The following YTHDF3 variants were observed in gnomAD, a reference collection of about 807,000 sequenced individuals.
YTHDF3 encodes YTH domain-containing family protein 3.
YTHDF3 carries 9 observed loss-of-function variants against 52.5 expected under a neutral mutation model. The observed-to-expected ratio is 0.17, with a 90% CI of 0.10 to 0.30. The LOEUF is 0.30. Ranked by LOEUF, YTHDF3 falls within the 10% of genes least tolerant of loss-of-function variation. The pLI, the probability that YTHDF3 is intolerant of heterozygous loss-of-function variation, is 1.00. For synonymous variants in YTHDF3, 274 were observed against 243.3 expected (o/e 1.13, Z -1.18); for missense variants, 534 against 715.0 (o/e 0.75, Z 2.89).
chr8:63,169,068 C>T (rs1402618941), intron 1 of YTHDF3, 167 bp downstream of exon 1: 1 of 1,396,234 alleles, frequency 7.2e-7, no homozygotes, highest in Non-Finnish European at 9.2e-7. Context: ...CGCCCTGGCC[C>T]CGTAGCTTGC....
At position 63,168,903 on chromosome 8, in the gene YTHDF3, T is replaced by TGAGG; in HGVS notation, c.24+6_24+9dup. 1 of 1,552,146 alleles carries TGAGG rather than the reference T, an allele frequency of 6.4e-7. No homozygotes were observed. Among genetic ancestry groups the TGAGG allele is most frequent in the Non-Finnish European group, 8.7e-7 (1 of 1,147,722 alleles). ...ATGTCAGCCACTAGCGTGGATCAGGTGAGGGAGCAGAGGCCCCAGGCTTGG... is the reference window on the plus strand; with the variant it reads ...ATGTCAGCCACTAGCGTGGATCAGGTGAGGGAGGGAGCAGAGGCCCCAGGCTTGG... On this transcript the variant is annotated splice_region_variant and intron_variant, in intron 1 of 4. Coordinates refer to ENST00000539294, the MANE Select transcript of YTHDF3 (RefSeq NM_152758.6).
rs1211912168 is a variant in YTHDF3, at chr8:63,186,352, A to G, written c.341A>G (p.Asn114Ser). The part of the protein sequence containing the change: ...GVFSQPGALG[N>S]TPPFLGQHGF... ...TTTAGTCAACCTGGGGCATTAGGAA[A>G]TACCCCTCCATTTCTTGGTCAACAT... The change falls in exon 4 of 5, where the codon AAT (asparagine) becomes AGT (serine). Residue 114 changes from asparagine (N) to serine (S), a missense_variant. Around this residue, in one of 3 missense-constraint regions of YTHDF3, gnomAD observed 196 missense variants for 299.5 expected, o/e 0.65. Coordinates refer to ENST00000539294, the MANE Select transcript of YTHDF3 (RefSeq NM_152758.6). 3.7e-6 allele frequency: 6 copies of G among 1,613,922 alleles called. No homozygotes were observed. The highest frequency in any genetic ancestry group is 1.1e-5 in the South Asian group (1 of 91,090).
At chr8:63,203,839 C>G (rs1233212220) in intron 4 of YTHDF3, among the ~76,000 whole-genome samples, 2 of 152,198 alleles carry the variant, frequency 1.3e-5, no homozygotes, top group African/African-American at 4.8e-5. Flanking sequence ...CTGATACTTT[C>G]TCATGATTAG....
At chr8:63,172,242 A>G (rs1196973893) in intron 2 of YTHDF3, among the ~76,000 whole-genome samples, 1 of 152,064 alleles carries the variant, frequency 6.6e-6, no homozygotes, top group Non-Finnish European at 1.5e-5. Flanking sequence ...TATTGGAATA[A>G]AGGTGTGCAG....
intron 3 of YTHDF3, among the ~76,000 whole-genome samples, chr8:63,180,812 A>G (rs1033943705): frequency 6.6e-6 from 1 of 152,232 alleles, no homozygotes; most frequent in African/African-American, 2.4e-5. Context: ...TCTACACCAA[A>G]AAAATACGAA....
rs1223663346 is a variant in YTHDF3, at chr8:63,211,576, G to T, written c.*1870G>T. On this transcript the variant is annotated 3_prime_UTR_variant, in exon 5 of 5. Transcript: ENST00000539294. The stretch of plus-strand genomic sequence containing the variant: ...TATAAAAGGGTGACCTTGTAGGAAG[G>T]ATCTGAGTCCTCCCCCTGAGGTTCT... 6.6e-6 allele frequency: 1 copy of T among 152,488 alleles called. No individual in the cohort carries two copies. Among genetic ancestry groups the T allele is most frequent in the Admixed American group, 6.6e-5 (1 of 15,262 alleles). 9.4% of individuals were successfully genotyped at this position (152,488 alleles called of 1,614,324 possible).
At chr8:63,197,304 A>G (rs1283580347) in intron 4 of YTHDF3, among the ~76,000 whole-genome samples, 1 of 152,026 alleles carries the variant, frequency 6.6e-6, no homozygotes, top group Admixed American at 6.6e-5. Context: ...AATGTGTAGA[A>G]TTTTTTCTTC....
At chr8:63,193,689 G>A (rs934984400) in intron 4 of YTHDF3, among the ~76,000 whole-genome samples, 3 of 152,108 alleles carry the variant, frequency 2.0e-5, no homozygotes, top group Non-Finnish European at 4.4e-5. Flanking sequence ...GATGTGAATA[G>A]GCATTTAATG....
At chr8:63,172,697 T>G (rs1400874478) in intron 2 of YTHDF3, 5 of 1,094,264 alleles carry the variant, frequency 4.6e-6, no homozygotes, top group African/African-American at 1.6e-5. Flanking sequence ...CCTAACTTGA[T>G]GTAGTCAGGA....
Position 63,170,102 on chromosome 8 carries a change from C to T in YTHDF3, c.49+691C>T, listed in dbSNP as rs191665755. On this transcript the variant is annotated intron_variant, in intron 2 of 4. Coordinates refer to ENST00000539294, the MANE Select transcript of YTHDF3 (RefSeq NM_152758.6). ...TTGTATTAATATGGAACAGTGCAGTCAGCTGACTGAAACATTATGACATTA... is the reference window on the plus strand; with the variant it reads ...TTGTATTAATATGGAACAGTGCAGTTAGCTGACTGAAACATTATGACATTA... Among the ~76,000 whole-genome samples, 420 of 152,286 alleles carry T rather than the reference C, an allele frequency of 2.8e-3. 3 individuals carry two copies. Among genetic ancestry groups the T allele is most frequent in the African/African-American group, 9.2e-3 (384 of 41,554 alleles).
intron 4 of YTHDF3, among the ~76,000 whole-genome samples, chr8:63,195,950 C>T (rs551426727): frequency 3.8e-4 from 58 of 152,116 alleles, no homozygotes; most frequent in African/African-American, 1.3e-3. Flanking sequence ...TACAGGCATG[C>T]GCCACCATGC....
At chr8:63,202,731 G>A (rs1023354327) in intron 4 of YTHDF3, among the ~76,000 whole-genome samples, 14 of 151,888 alleles carry the variant, frequency 9.2e-5, no homozygotes, top group African/African-American at 3.1e-4. Context: ...CCAAAGTGCT[G>A]GGATTACAGG....
In YTHDF3 at chr8:63,186,371, T is replaced by G. The variant is rs1298570835; in HGVS notation, c.360T>G (p.Gly120=). The change falls in exon 4 of 5, where the codon GGT becomes GGG. Residue 120 remains glycine (G), a synonymous_variant. Transcript: ENST00000539294. ...TAGGAAATACCCCTCCATTTCTTGGTCAACATGGATTTAACTTTTTTCCTG... is the reference window on the plus strand; with the variant it reads ...TAGGAAATACCCCTCCATTTCTTGGGCAACATGGATTTAACTTTTTTCCTG... ...GALGNTPPFL[G]QHGFNFFPGN... The G allele has an allele frequency of 6.2e-7, 1 of 1,614,048 alleles. No homozygotes were observed. The highest frequency in any genetic ancestry group is 8.5e-7 in the Non-Finnish European group (1 of 1,179,908).
At position 63,193,845 on chromosome 8, in the gene YTHDF3, A is replaced by G. The variant is rs1355352828; in HGVS notation, c.1734+6100A>G. On this transcript the variant is annotated intron_variant, in intron 4 of 4. Transcript: ENST00000539294. Reference sequence around the variant, plus strand: ...GTATCAAGTATTGGAAAGATTGTAGATCAACAAGACCTCTTACACAGTTGT... The same window carrying G: ...GTATCAAGTATTGGAAAGATTGTAGGTCAACAAGACCTCTTACACAGTTGT... Among the ~76,000 whole-genome samples the G allele has an allele frequency of 3.9e-5, 6 of 152,226 alleles. No homozygotes were observed. The South Asian group carries it at 1.2e-3, about 31-fold the overall frequency.
chr8:63,170,227 C>T (rs1453192678), intron 2 of YTHDF3, among the ~76,000 whole-genome samples: 1 of 152,116 alleles, frequency 6.6e-6, no homozygotes, highest in South Asian at 2.1e-4. Flanking sequence ...TTTTGTAGTG[C>T]TTGAAATTAC....
Position 63,206,693 on chromosome 8 carries a change from C to T in YTHDF3, c.1735-2990C>T, listed in dbSNP as rs568056638. ...TTTACTAATAATACTAATAAGTGTT[C>T]GTGATATCTAGACTTCATTTTTTAA... On this transcript the variant is annotated intron_variant, in intron 4 of 4. Coordinates refer to ENST00000539294, the MANE Select transcript of YTHDF3 (RefSeq NM_152758.6). Among the ~76,000 whole-genome samples, 44 of 152,020 alleles carry T rather than the reference C, an allele frequency of 2.9e-4. No individual in the cohort carries two copies. The South Asian group carries it at 2.9e-3, about 10-fold the overall frequency.
At chr8:63,196,253 T>C (rs1809229828) in intron 4 of YTHDF3, among the ~76,000 whole-genome samples, 1 of 146,564 alleles carries the variant, frequency 6.8e-6, no homozygotes, top group Admixed American at 6.8e-5. Context: ...GAAGTCTGTC[T>C]CTTAAAAAAA....
chr8:63,206,305 C>T (rs888260189), intron 4 of YTHDF3, among the ~76,000 whole-genome samples: 10 of 152,094 alleles, frequency 6.6e-5, no homozygotes, highest in African/African-American at 1.9e-4. Context: ...TCAGGTGATC[C>T]GCCTGCCTCA....
chr8:63,203,670 C>G (rs762023745), intron 4 of YTHDF3, among the ~76,000 whole-genome samples: 3 of 152,098 alleles, frequency 2.0e-5, no homozygotes, highest in Non-Finnish European at 1.5e-5. Flanking sequence ...TCACTAATGT[C>G]TTTTTCAAGA....
Sources: gnomAD v4.1 joint callset for allele counts (sites outside exome capture counted in the v4.1 genomes callset) on GRCh38, gnomAD v4.1.1 for gene constraint, gnomAD v4.1.1 regional missense constraint, MANE v1.5 for transcripts, NCBI Gene and HGNC (gene_info 2026-07-23, HGNC 2026-07-21) for gene names.